The following FAM135B variants were observed in gnomAD, a reference collection of about 807,000 sequenced individuals.
FAM135B encodes protein FAM135B.
Under a neutral mutation model 127.7 loss-of-function variants are expected in FAM135B, and 43 were observed. The observed-to-expected ratio is 0.34, with a 90% CI of 0.26 to 0.43. The LOEUF (loss-of-function observed/expected upper bound fraction) is 0.43, where lower values mean the gene tolerates loss of function less well. Among genes scored for constraint, FAM135B ranks in the 20% least tolerant of loss-of-function variants. The pLI, the probability that FAM135B is intolerant of heterozygous loss-of-function variation, is 1.00. For missense variants in FAM135B, 1,558 were observed against 1,725.6 expected (o/e 0.90, Z 1.72); for synonymous variants, 670 against 665.1 (o/e 1.01, Z -0.11).
chr8:138,250,496 T>C (rs577447272), intron 6 of FAM135B, among the ~76,000 whole-genome samples: 11 of 152,310 alleles, frequency 7.2e-5, no homozygotes, highest in Non-Finnish European at 1.6e-4. Context: ...CTTACGTAGA[T>C]GGGACACACA....
chr8:138,483,294 A>T (rs1262621799), intron 1 of FAM135B, among the ~76,000 whole-genome samples: 2 of 152,328 alleles, frequency 1.3e-5, no homozygotes, highest in East Asian at 3.9e-4. Flanking sequence ...ATGGAAGTAC[A>T]GAGAGGCTGA....
At chr8:138,460,109 G>C (rs1004069821) in intron 1 of FAM135B, among the ~76,000 whole-genome samples, 1 of 152,140 alleles carries the variant, frequency 6.6e-6, no homozygotes, top group African/African-American at 2.4e-5. Context: ...CCCTTTCTTT[G>C]GGTGATACAC....
intron 12 of FAM135B, among the ~76,000 whole-genome samples, chr8:138,165,969 G>A (rs969344912): frequency 1.3e-5 from 2 of 152,296 alleles, no homozygotes; most frequent in African/African-American, 4.8e-5. Context: ...TCAGGTAGCA[G>A]AATCTTTGAA....
chr8:138,256,772 C>A lies in FAM135B; in HGVS notation c.298-13G>T, dbSNP rs1327310135. ...GTGCGTCTTCCATCTGCAAAAGAAA[C>A]AAAGTCCAAGGGATTTCAGGAGTCA... On this transcript the variant is annotated splice_polypyrimidine_tract_variant and intron_variant, in intron 4 of 19. Transcript: ENST00000395297. 1 of 1,611,198 alleles carries A rather than the reference C, an allele frequency of 6.2e-7. No homozygotes were observed. The highest frequency in any genetic ancestry group is 1.1e-5 in the South Asian group (1 of 90,830).
intron 1 of FAM135B, among the ~76,000 whole-genome samples, chr8:138,390,851 T>C (rs1029999907): frequency 6.6e-6 from 1 of 152,106 alleles, no homozygotes; most frequent in Admixed American, 6.5e-5. Flanking sequence ...AGAGCTGAGC[T>C]CTGGGGATAG....
intron 7 of FAM135B, among the ~76,000 whole-genome samples, chr8:138,221,918 A>G (rs1316752029): frequency 6.6e-6 from 1 of 152,262 alleles, no homozygotes; most frequent in Admixed American, 6.5e-5. Context: ...AATGCCTATC[A>G]TTGAATACAA....
In FAM135B at chr8:138,242,949, G is replaced by A. The variant is rs2130381707; in HGVS notation, c.662C>T (p.Ser221Phe). The part of the protein sequence containing the change: ...VFGAGYCKPT[S>F]SEGSFYITSE... The stretch of plus-strand genomic sequence containing the variant: ...GCCCCACACAGGCCTTACCTCTGAG[G>A]AAGTCGGCTTGCAGTACCCAGCTCC... Residue 221 changes from serine to phenylalanine, a missense_variant, in exon 7 of 20, where the codon TCC becomes TTC. This residue lies in a region of FAM135B where 127 missense variants were observed against 109.7 expected (regional missense o/e 1.16). Transcript: ENST00000395297. This position sits in a 1 kb window ranked among gnomAD's most constrained non-coding sequence, Gnocchi z 9.6. 6.2e-7 allele frequency: 1 copy of A among 1,613,526 alleles called. No individual in the cohort carries two copies. The highest frequency in any genetic ancestry group is 8.5e-7 in the Non-Finnish European group (1 of 1,179,752).
chr8:138,221,592 A>C (rs1202258787), intron 7 of FAM135B, among the ~76,000 whole-genome samples: 2 of 152,198 alleles, frequency 1.3e-5, no homozygotes, highest in African/African-American at 4.8e-5. Flanking sequence ...AGAGCCAAGG[A>C]AACAATTCCC....
At chr8:138,267,513 G>T (rs899664744) in intron 3 of FAM135B, among the ~76,000 whole-genome samples, 1 of 151,186 alleles carries the variant, frequency 6.6e-6, no homozygotes, top group Non-Finnish European at 1.5e-5. Flanking sequence ...CCTAGCAAAG[G>T]GTGGGGACTC....
At chr8:138,410,232 T>C (rs1563979185) in intron 1 of FAM135B, among the ~76,000 whole-genome samples, 1 of 152,148 alleles carries the variant, frequency 6.6e-6, no homozygotes, top group Admixed American at 6.5e-5. Context: ...CTTGGTGGCA[T>C]AAAATGACCA....
chr8:138,410,559 A>G (rs1358780632), intron 1 of FAM135B, among the ~76,000 whole-genome samples: 1 of 152,190 alleles, frequency 6.6e-6, no homozygotes, highest in Non-Finnish European at 1.5e-5. Context: ...ATCATCAGAG[A>G]AACATAAACC....
intron 7 of FAM135B, among the ~76,000 whole-genome samples, chr8:138,198,624 G>A (rs1816856536): frequency 6.6e-6 from 1 of 152,368 alleles, no homozygotes; most frequent in Middle Eastern, 3.4e-3. Flanking sequence ...AGCATGCAGT[G>A]TCAGAACACT....
intron 9 of FAM135B, among the ~76,000 whole-genome samples, chr8:138,184,306 T>C (rs938885692): frequency 3.9e-5 from 6 of 152,144 alleles, no homozygotes; most frequent in Non-Finnish European, 8.8e-5. Flanking sequence ...TTGACTTCCA[T>C]CCTAAGCAAT....
At chr8:138,265,639 A>T (rs182735144) in intron 4 of FAM135B, 64 bp downstream of exon 4, 1 of 1,574,108 alleles carries the variant, frequency 6.4e-7, no homozygotes, top group Non-Finnish European at 8.7e-7. Context: ...TTTACCTAGC[A>T]ATGAGAGAGA....
intron 9 of FAM135B, among the ~76,000 whole-genome samples, chr8:138,188,088 G>A (rs1815752891): frequency 6.6e-6 from 1 of 152,190 alleles, no homozygotes; most frequent in African/African-American, 2.4e-5. Context: ...CAACTGCTAG[G>A]AGGAGCTCTA....
At chr8:138,234,512 A>T (rs1379882027) in intron 7 of FAM135B, among the ~76,000 whole-genome samples, 1 of 152,248 alleles carries the variant, frequency 6.6e-6, no homozygotes, top group African/African-American at 2.4e-5. Context: ...ATATCTGTAT[A>T]TACATACACA....
chr8:138,361,879 C>T (rs181858169), intron 2 of FAM135B, among the ~76,000 whole-genome samples: 100 of 152,220 alleles, frequency 6.6e-4, no homozygotes, highest in Middle Eastern at 6.8e-3. Flanking sequence ...AGACTGCATT[C>T]CTCCTTCTCT....
chr8:138,347,446 T>G (rs1257292229), intron 2 of FAM135B, among the ~76,000 whole-genome samples: 1 of 152,098 alleles, frequency 6.6e-6, no homozygotes, highest in Non-Finnish European at 1.5e-5. Flanking sequence ...CACTGAGGCT[T>G]AAAAGTCCCA....
chr8:138,268,513 T>C lies in FAM135B; in HGVS notation c.158-2671A>G, dbSNP rs1823121050. The stretch of plus-strand genomic sequence containing the variant: ...AATAGGGCATCGCATAGAACAGGTG[T>C]CTTTTTTTACAAGGGAAGGCTCACC... On this transcript the variant is annotated intron_variant, in intron 3 of 19. Coordinates refer to ENST00000395297, the MANE Select transcript of FAM135B (RefSeq NM_015912.4). 2.0e-5 allele frequency among the ~76,000 whole-genome samples: 3 copies of C among 152,228 alleles called. No individual in the cohort carries two copies. In the East Asian group the frequency reaches 5.8e-4, roughly 30 times the overall value.
Sources: allele counts gnomAD v4.1 joint callset (sites outside exome capture counted in the v4.1 genomes callset), GRCh38; gene constraint gnomAD v4.1.1; regional missense constraint gnomAD v4.1.1; non-coding constraint Gnocchi (gnomAD v3.1); transcripts MANE v1.5; gene names NCBI Gene and HGNC (gene_info 2026-07-23, HGNC 2026-07-21).